NTMT1: variants seen among roughly 807,000 people sequenced by gnomAD.
NTMT1 encodes the protein N-terminal RCC1 methyltransferase.
A neutral mutation model predicts 17.5 loss-of-function variants in NTMT1; 8 were observed. That is an observed-to-expected ratio of 0.46 (90% CI 0.27 to 0.82). NTMT1 has a LOEUF of 0.82. NTMT1 is among the 40% of genes least tolerant of loss of function. NTMT1 has a pLI of 0.15. For missense variants in NTMT1, 221 were observed against 303.5 expected (o/e 0.73, Z 2.02); for synonymous variants, 128 against 126.8 (o/e 1.01, Z -0.06).
chr9:129,620,508 C>A lies in NTMT1; in HGVS notation c.-55+11330C>A. The A allele has an allele frequency of 7.0e-7, 1 of 1,433,694 alleles. No individual in the cohort carries two copies. The highest frequency in any genetic ancestry group is 9.2e-7 in the Non-Finnish European group (1 of 1,091,428). The allele number at this position is 1,433,694 out of a possible 1,614,324, so 88.8% of individuals were successfully genotyped here. A position where few individuals can be genotyped will look rare whatever the true frequency, so the allele number is the denominator to read the frequency against. ...CGCGGGTCGCTGCTGCGTCGGAAGTCTCCGTCGCCAGGGAGCCCCTTGGGC... is the reference window on the plus strand; with the variant it reads ...CGCGGGTCGCTGCTGCGTCGGAAGTATCCGTCGCCAGGGAGCCCCTTGGGC... On this transcript the variant is annotated intron_variant, in intron 1 of 3. Transcript: ENST00000372486. This position sits in a 1 kb window ranked among gnomAD's most constrained non-coding sequence, Gnocchi z 5.8.
chr9:129,621,740 G>A (rs1389736657), upstream of NTMT1, among the ~76,000 whole-genome samples: 2 of 152,076 alleles, frequency 1.3e-5, no homozygotes, highest in Non-Finnish European at 2.9e-5. Context: ...CTGACACTGA[G>A]GGGTTTCTAA....
At chr9:129,624,503 C>T (rs748512926), upstream of NTMT1, among the ~76,000 whole-genome samples, 1 of 152,156 alleles carries the variant, frequency 6.6e-6, no homozygotes, top group Non-Finnish European at 1.5e-5. Context: ...ACACATCCTG[C>T]GGACTCAATG....
At chr9:129,610,609 G>GGCGC (rs1431770834) in intron 1 of NTMT1, among the ~76,000 whole-genome samples, 3 of 151,928 alleles carry the variant, frequency 2.0e-5, no homozygotes, top group Non-Finnish European at 2.9e-5. Context: ...GAGGCGGGCG[G>GGCGC]GCGCGAGCGC....
intron 1 of NTMT1, among the ~76,000 whole-genome samples, chr9:129,618,512 C>T (rs552903098): frequency 2.0e-5 from 3 of 151,894 alleles, no homozygotes; most frequent in South Asian, 4.1e-4. Flanking sequence ...TGGACAGATG[C>T]GTGGCTGGAT....
At chr9:129,619,550 G>A in intron 1 of NTMT1, 1 of 1,614,066 alleles carries the variant, frequency 6.2e-7, no homozygotes, top group South Asian at 1.1e-5. Context: ...GGTGAATTGT[G>A]AGTGATCACC....
chr9:129,615,901 TGAG>T (rs1414852623), intron 1 of NTMT1, among the ~76,000 whole-genome samples: 1 of 152,190 alleles, frequency 6.6e-6, no homozygotes, highest in Non-Finnish European at 1.5e-5. Context: ...ATTTTATAGT[TGAG>T]GAAACAGAGG....
At chr9:129,624,421 AG>A (rs540693336), upstream of NTMT1, among the ~76,000 whole-genome samples, 6 of 152,176 alleles carry the variant, frequency 3.9e-5, no homozygotes, top group Non-Finnish European at 8.8e-5. Context: ...AGCTTGGGAG[AG>A]GGGCTCAGAC....
chr9:129,620,040 C>G lies in NTMT1; in HGVS notation c.-55+10862C>G. On this transcript the variant is annotated intron_variant, in intron 1 of 3. Transcript: ENST00000372486. The surrounding 1 kb of genome is among the most constrained non-coding windows in gnomAD (Gnocchi z 5.8). The stretch of plus-strand genomic sequence containing the variant: ...CCCCCCACCGGAAATGACTCGGGCC[C>G]GCCCCCCGGGCCCCGCGGGGCCTCA... 5 of 1,453,952 alleles carry G rather than the reference C, an allele frequency of 3.4e-6. No individual in the cohort carries two copies. The highest frequency in any genetic ancestry group is 4.5e-6 in the Non-Finnish European group (5 of 1,100,970). The allele number at this position is 1,453,952 out of a possible 1,614,324, so 90.1% of individuals were successfully genotyped here. A position where few individuals can be genotyped will look rare whatever the true frequency, so the allele number is the denominator to read the frequency against.
intron 1 of NTMT1, among the ~76,000 whole-genome samples, chr9:129,609,572 G>A (rs1405250352): frequency 3.2e-4 from 2 of 6,224 alleles, no homozygotes; most frequent in Non-Finnish European, 6.7e-4. Flanking sequence ...CCCCACCCCC[G>A]CCAGCCCTGA....
At chr9:129,633,979 C>T (rs538819369) in intron 2 of NTMT1, 75 bp from the exon 3 acceptor site, 1 of 1,514,300 alleles carries the variant, frequency 6.6e-7, no homozygotes, top group Non-Finnish European at 8.9e-7. Flanking sequence ...GAGTCTAAGT[C>T]CTAGGGCTCG....
At chr9:129,621,728 C>A (rs1033774554), upstream of NTMT1, among the ~76,000 whole-genome samples, 2 of 152,130 alleles carry the variant, frequency 1.3e-5, no homozygotes, top group African/African-American at 2.4e-5. Context: ...TTACTCCCAG[C>A]TCTGACACTG....
chr9:129,629,837 C>T (rs1018864445), intron 1 of NTMT1, among the ~76,000 whole-genome samples: 4 of 152,118 alleles, frequency 2.6e-5, no homozygotes, highest in Admixed American at 1.3e-4. Context: ...CAGTGGCGTG[C>T]GCCTGTAATC....
Position 129,613,195 on chromosome 9 carries a change from A to G in NTMT1, c.-55+4017A>G. On this transcript the variant is annotated intron_variant, in intron 1 of 3. Coordinates refer to the NTMT1 transcript ENST00000372486. The surrounding 1 kb of genome is among the most constrained non-coding windows in gnomAD (Gnocchi z 6.2). ...GGCCTTCTTCCATGAACAGAAGGGC[A>G]GGCTGCTGTTCATGGAGGTGTCCTC... is the stretch of plus-strand genomic sequence containing the variant. 6.2e-7 allele frequency: 1 copy of G among 1,613,608 alleles called. No individual in the cohort carries two copies. The highest frequency in any genetic ancestry group is 8.5e-7 in the Non-Finnish European group (1 of 1,179,974).
rs951999561 is a variant in NTMT1, at chr9:129,635,695, C to T, written c.*231C>T. The T allele has an allele frequency of 1.5e-5, 8 of 529,976 alleles. No homozygotes were observed. Among genetic ancestry groups the T allele is most frequent in the East Asian group, 6.6e-5 (2 of 30,358 alleles). 32.8% of individuals were successfully genotyped at this position (529,976 alleles called of 1,614,324 possible). A position where few individuals can be genotyped will look rare whatever the true frequency, so the allele number is the denominator to read the frequency against. On this transcript the variant is annotated 3_prime_UTR_variant, in exon 4 of 4. Coordinates refer to ENST00000372483, the MANE Select transcript of NTMT1 (RefSeq NM_014064.4). ...CAGGAGCCCAGACCCTGCTCTCCTG[C>T]GAGATGGGATTGGGTGGAAGGGGCT... is the stretch of plus-strand genomic sequence containing the variant.
rs1236919652 is a variant in NTMT1 at position 129,636,006 on chromosome 9, T to TA, written c.*543dup. 2 of 152,934 alleles carry TA rather than the reference T, an allele frequency of 1.3e-5. No homozygotes were observed. The highest frequency in any genetic ancestry group is 4.8e-5 in the African/African-American group (2 of 41,464). 9.5% of individuals were successfully genotyped at this position (152,934 alleles called of 1,614,324 possible). A position where few individuals can be genotyped will look rare whatever the true frequency, so the allele number is the denominator to read the frequency against. ...TGGAGACCTGGGGCCCTTAAAGTGTTACAACAGCCTGCAGCAAGGGAAGTT... is the reference window on the plus strand; with the variant it reads ...TGGAGACCTGGGGCCCTTAAAGTGTTAACAACAGCCTGCAGCAAGGGAAGTT... On this transcript the variant is annotated 3_prime_UTR_variant, in exon 4 of 4. Transcript: ENST00000372483.
At chr9:129,631,865 T>C (rs944753086) in intron 1 of NTMT1, among the ~76,000 whole-genome samples, 4 of 152,238 alleles carry the variant, frequency 2.6e-5, no homozygotes, top group African/African-American at 9.6e-5. Flanking sequence ...GCTTCTCCTC[T>C]GCAGCCCTCC....
Position 129,632,751 on chromosome 9 carries a change from C to G in NTMT1, c.48C>G (p.Ala16=), listed in dbSNP as rs771261878. The G allele has an allele frequency of 1.2e-6, 2 of 1,614,064 alleles. No individual in the cohort carries two copies. The highest frequency in any genetic ancestry group is 2.7e-5 in the African/African-American group (2 of 74,928). The change falls in exon 2 of 4, where the codon GCC becomes GCG. Residue 16 remains alanine, a synonymous_variant. Transcript: ENST00000372483. ...IEDEKQFYSK[A]KTYWKQIPPT... Reference sequence around the variant, plus strand: ...ACGAGAAGCAATTCTATTCCAAGGCCAAGACCTACTGGAAACAAATCCCAC... The same window carrying G: ...ACGAGAAGCAATTCTATTCCAAGGCGAAGACCTACTGGAAACAAATCCCAC...
upstream of NTMT1, among the ~76,000 whole-genome samples, chr9:129,623,071 C>T (rs183630249): frequency 1.8e-4 from 27 of 150,892 alleles, no homozygotes; most frequent in Admixed American, 4.7e-4. Flanking sequence ...CGGTGGCTCA[C>T]GCCTGTAATC....
At chr9:129,624,704 A>G (rs1830839874), upstream of NTMT1, among the ~76,000 whole-genome samples, 1 of 152,192 alleles carries the variant, frequency 6.6e-6, no homozygotes. Context: ...ATCTAGGCTC[A>G]TTGCAACTTC....
Sources: allele counts gnomAD v4.1 joint callset (sites outside exome capture counted in the v4.1 genomes callset), GRCh38; gene constraint gnomAD v4.1.1; non-coding constraint Gnocchi (gnomAD v3.1); transcripts MANE v1.5; gene names NCBI Gene and HGNC (gene_info 2026-07-23, HGNC 2026-07-21).